The following WWOX variants were observed in gnomAD, a reference collection of about 807,000 sequenced individuals.
WWOX encodes WW domain containing oxidoreductase.
In WWOX, 69 loss-of-function variants were observed where a neutral mutation model predicts 46.2. The observed-to-expected ratio is 1.49, with a 90% CI of 1.23 to 1.82. The LOEUF (loss-of-function observed/expected upper bound fraction) is 1.82, where lower values mean the gene tolerates loss of function less well. WWOX is among the 40% of genes most tolerant of loss of function. The pLI is 0.00. For missense variants in WWOX, 919 were observed against 542.6 expected (o/e 1.69, Z -6.89); for synonymous variants, 359 against 202.6 (o/e 1.77, Z -6.56).
At chr16:78,581,739 T>G (rs1401438912) in intron 8 of WWOX, among the ~76,000 whole-genome samples, 1 of 152,202 alleles carries the variant, frequency 6.6e-6, no homozygotes, top group East Asian at 1.9e-4. Context: ...TCAGGAAAAT[T>G]ATCTCTTGTA....
chr16:79,020,109 A>C (rs2550718), intron 8 of WWOX, among the ~76,000 whole-genome samples: 117,455 of 152,148 alleles, frequency 0.77, 46,046 homozygotes, highest in African/African-American at 0.9. Flanking sequence ...TTGATGAACA[A>C]CTACTACATG....
intron 5 of WWOX, among the ~76,000 whole-genome samples, chr16:78,371,361 GGAATTT>G: frequency 6.6e-6 from 1 of 152,154 alleles, no homozygotes; most frequent in African/African-American, 2.4e-5. Flanking sequence ...TGTGATGGCA[GGAATTT>G]GAAGTATGTT....
chr16:78,357,736 A>G (rs768571221), intron 5 of WWOX, among the ~76,000 whole-genome samples: 3 of 152,144 alleles, frequency 2.0e-5, no homozygotes, highest in Non-Finnish European at 4.4e-5. Flanking sequence ...GCTGGGTGCT[A>G]CATATTTATT....
chr16:78,246,524 G>A (rs1177811812), intron 5 of WWOX, among the ~76,000 whole-genome samples: 4 of 152,186 alleles, frequency 2.6e-5, no homozygotes, highest in African/African-American at 7.2e-5. Context: ...TTTGGCTGAT[G>A]TTTGGAATGG....
chr16:78,347,258 G>A (rs1318566501), intron 5 of WWOX, among the ~76,000 whole-genome samples: 7 of 107,678 alleles, frequency 6.5e-5, no homozygotes, highest in Admixed American at 2.8e-4. Flanking sequence ...CAATTCTGTT[G>A]TTGACCCTTT....
Position 78,538,610 on chromosome 16 carries a change from T to G in WWOX, c.1056+105858T>G, listed in dbSNP as rs951055073. ...TGAGAGAATTGCTCAAGCTGCAGTT[T>G]ATCATTATATGCCTCCAAAGACTTT... On this transcript the variant is annotated intron_variant, in intron 8 of 8. Transcript: ENST00000566780. 7.9e-5 allele frequency among the ~76,000 whole-genome samples: 12 copies of G among 152,358 alleles called. No individual in the cohort carries two copies. In the South Asian group the frequency reaches 2.3e-3, roughly 29 times the overall value.
intron 8 of WWOX, among the ~76,000 whole-genome samples, chr16:79,025,205 C>G (rs1199316920): frequency 1.3e-5 from 2 of 152,146 alleles, no homozygotes; most frequent in Admixed American, 6.5e-5. Context: ...GACAATGTCA[C>G]TGAGGCTGGG....
At position 78,710,056 on chromosome 16, in the gene WWOX, G is replaced by A. The variant is rs979287117; in HGVS notation, c.1056+277304G>A. Among the ~76,000 whole-genome samples, 6 of 151,928 alleles carry A rather than the reference G, an allele frequency of 3.9e-5. No individual in the cohort carries two copies. In the East Asian group the frequency reaches 1.2e-3, roughly 29 times the overall value. On this transcript the variant is annotated intron_variant, in intron 8 of 8. Transcript: ENST00000566780. ...GATAGTTGCCTTTCTTACCAGCCTG[G>A]GCCAGGAGCAGTTGTTTATTTTCTG... is the stretch of plus-strand genomic sequence containing the variant.
chr16:78,989,821 C>CGTGTGTTTTTGT (rs34409137), intron 8 of WWOX, among the ~76,000 whole-genome samples: 2 of 136,402 alleles, frequency 1.5e-5, no homozygotes, highest in African/African-American at 2.7e-5. Flanking sequence ...GGTGTGTGAG[C>CGTGTGTTTTTGT]GTGTGTGTGT....
At chr16:78,522,763 T>C (rs2043377112) in intron 8 of WWOX, among the ~76,000 whole-genome samples, 1 of 152,178 alleles carries the variant, frequency 6.6e-6, no homozygotes, top group South Asian at 2.1e-4. Flanking sequence ...AAGTCGAATA[T>C]CTGGTAGGGT....
chr16:78,511,236 C>T (rs924516250), intron 8 of WWOX, among the ~76,000 whole-genome samples: 2 of 152,204 alleles, frequency 1.3e-5, no homozygotes, highest in East Asian at 3.9e-4. Flanking sequence ...CCCCAGCGCA[C>T]ACATCACCTC....
Position 78,154,608 on chromosome 16 carries a change from G to C in WWOX, c.410-9575G>C, listed in dbSNP as rs375575620. 7.1e-5 allele frequency among the ~76,000 whole-genome samples: 10 copies of C among 141,058 alleles called. 1 individual carries two copies. Among genetic ancestry groups the C allele is most frequent in the African/African-American group, 2.4e-4 (9 of 37,676 alleles). 92.5% of individuals were successfully genotyped at this position (141,058 alleles called of 152,430 possible). A position where few individuals can be genotyped will look rare whatever the true frequency, so the allele number is the denominator to read the frequency against. On this transcript the variant is annotated intron_variant, in intron 4 of 8. Transcript: ENST00000566780. ...GTTCTGCTGCCACTCAGTGACATTT[G>C]TGAAATGCAAGGGAGCTTGCACCAT... is the stretch of plus-strand genomic sequence containing the variant.
At position 78,164,293 on chromosome 16, in the gene WWOX, A is replaced by G. The variant is rs2034898283; in HGVS notation, c.516+4A>G. 2 of 1,613,410 alleles carry G rather than the reference A, an allele frequency of 1.2e-6. No individual in the cohort carries two copies. Among genetic ancestry groups the G allele is most frequent in the East Asian group, 2.2e-5 (1 of 44,882 alleles). ...GTCACGCATTTTAGAAGAATGGGTA[A>G]GTGCTTGACTGTTGTTGTTTTTTTT... is the stretch of plus-strand genomic sequence containing the variant. On this transcript the variant is annotated splice_donor_region_variant and intron_variant, in intron 5 of 8. Coordinates refer to ENST00000566780, the MANE Select transcript of WWOX (RefSeq NM_016373.4).
At chr16:78,141,722 A>T (rs970451188) in intron 4 of WWOX, among the ~76,000 whole-genome samples, 1 of 152,132 alleles carries the variant, frequency 6.6e-6, no homozygotes, top group East Asian at 1.9e-4. Context: ...AAAAATATGC[A>T]TAGAAATATT....
chr16:78,982,202 G>A (rs1236340222), intron 8 of WWOX, among the ~76,000 whole-genome samples: 2 of 152,138 alleles, frequency 1.3e-5, no homozygotes, highest in Admixed American at 6.5e-5. Context: ...GTGCACACAC[G>A]CCTAAGAAAT....
At chr16:78,435,116 T>A (rs1321721313) in intron 8 of WWOX, among the ~76,000 whole-genome samples, 6 of 152,118 alleles carry the variant, frequency 3.9e-5, no homozygotes, top group Admixed American at 2.6e-4. Context: ...GTTAGCTGTT[T>A]TGGGAGTACG....
chr16:78,668,141 G>C (rs998122660), intron 8 of WWOX, among the ~76,000 whole-genome samples: 1 of 152,156 alleles, frequency 6.6e-6, no homozygotes, highest in Admixed American at 6.5e-5. Context: ...TTAGCCAGCT[G>C]TGGTGGCACA....
chr16:78,246,295 T>C (rs1379409140), intron 5 of WWOX, among the ~76,000 whole-genome samples: 1 of 152,236 alleles, frequency 6.6e-6, no homozygotes, highest in Non-Finnish European at 1.5e-5. Context: ...AAGCCTCATA[T>C]AACCCAGTTT....
At chr16:79,077,352 G>A (rs1041382027) in intron 8 of WWOX, 10 of 152,126 alleles carry the variant, frequency 6.6e-5, no homozygotes, top group African/African-American at 2.4e-4. Context: ...ACACAATGGG[G>A]AAAATTGCCG....
Sources: gnomAD v4.1 joint callset for allele counts (sites outside exome capture counted in the v4.1 genomes callset) on GRCh38, gnomAD v4.1.1 for gene constraint, MANE v1.5 for transcripts, NCBI Gene and HGNC (gene_info 2026-07-23, HGNC 2026-07-21) for gene names.